Variants in PRKX observed in about 807,000 individuals in gnomAD.
The protein encoded by PRKX is protein kinase cAMP-dependent X-linked catalytic subunit, also known as cAMP-dependent protein kinase catalytic subunit PRKX.
PRKX carries 12 observed loss-of-function variants against 22.0 expected under a neutral mutation model. That is an observed-to-expected ratio of 0.54 (90% CI 0.35 to 0.88). PRKX has a LOEUF of 0.88. Ranked by LOEUF, PRKX falls within the 40% of genes least tolerant of loss-of-function variation. The pLI, the probability that PRKX is intolerant of heterozygous loss-of-function variation, is 0.01. For synonymous variants in PRKX, 134 were observed against 137.7 expected (o/e 0.97, Z 0.19); for missense variants, 217 against 308.0 (o/e 0.70, Z 2.21).
intron 4 of PRKX, among the ~76,000 whole-genome samples, chrX:3,629,247 T>C (rs1391195317): frequency 1.3e-5 from 1 of 76,290 alleles, no homozygotes; most frequent in Non-Finnish European, 2.7e-5. Context: ...AGTGAACTAC[T>C]TTTTTTTTTT....
At chrX:3,636,752 C>T (rs1210081801) in intron 4 of PRKX, among the ~76,000 whole-genome samples, 1 of 111,617 alleles carries the variant, frequency 9.0e-6, no homozygotes, top group Non-Finnish European at 1.9e-5. Context: ...CCCAGCTACT[C>T]AGGAGGCTGA....
chrX:3,617,821 T>C (rs1423738590), intron 6 of PRKX, among the ~76,000 whole-genome samples: 1 of 110,570 alleles, frequency 9.0e-6, no homozygotes, highest in Non-Finnish European at 1.9e-5. Context: ...CACAGGACAA[T>C]GCATCCCTCC....
intron 4 of PRKX, among the ~76,000 whole-genome samples, chrX:3,634,900 C>T (rs888683073): frequency 8.1e-5 from 9 of 111,355 alleles, no homozygotes; most frequent in Non-Finnish European, 1.1e-4. Context: ...AATGGGGTCT[C>T]ACTATGTTGC....
intron 1 of PRKX, among the ~76,000 whole-genome samples, chrX:3,686,634 T>C (rs1419553475): frequency 9.1e-6 from 1 of 109,877 alleles, no homozygotes; most frequent in Non-Finnish European, 1.9e-5. Context: ...CTCAGCTCAC[T>C]GCAACCTCCA....
intron 1 of PRKX, among the ~76,000 whole-genome samples, chrX:3,682,376 CT>C (rs1165128206): frequency 9.1e-6 from 1 of 110,416 alleles, no homozygotes; most frequent in Non-Finnish European, 1.9e-5. Context: ...CATCCTAATC[CT>C]TGGTACCTGT....
intron 3 of PRKX, among the ~76,000 whole-genome samples, chrX:3,650,438 G>C (rs745905732): frequency 1.1e-5 from 1 of 93,830 alleles, no homozygotes; most frequent in Non-Finnish European, 2.1e-5. Context: ...GGAGAATGGC[G>C]TGAACCCGGG....
In PRKX at chrX:3,642,157, C is replaced by G. The variant is rs142729325; in HGVS notation, c.600-186G>C. ...TTTCGCTGATTCCTTTCCATAGAAA[C>G]ATTTCTTAACGGGCTTGGAAGCTAA... On this transcript the variant is annotated intron_variant, in intron 3 of 8. Transcript: ENST00000262848. 1.8e-4 allele frequency among the ~76,000 whole-genome samples: 20 copies of G among 111,198 alleles called. 1 individual carries two copies. Among genetic ancestry groups the G allele is most frequent in the African/African-American group, 5.6e-4 (17 of 30,591 alleles).
chrX:3,650,303 C>T (rs992824400), intron 3 of PRKX, among the ~76,000 whole-genome samples: 1 of 107,562 alleles, frequency 9.3e-6, no homozygotes, highest in Non-Finnish European at 1.9e-5. Context: ...GGGCGGATCA[C>T]GAGGTCAGGA....
Position 3,605,801 on chromosome X carries a change from AG to A in PRKX, c.*3167del, listed in dbSNP as rs1926157399. ...GGGAGTGGGGCTGAACTGCATTTTG[AG>A]GGGATGAAGCGCGCAATCTTACCCC... On this transcript the variant is annotated 3_prime_UTR_variant, in exon 9 of 9. Transcript: ENST00000262848. 8.9e-6 allele frequency: 1 copy of A among 111,974 alleles called. No individual in the cohort carries two copies. The highest frequency in any genetic ancestry group is 3.7e-4 in the South Asian group (1 of 2,670). 9.2% of individuals were successfully genotyped at this position (111,974 alleles called of 1,213,427 possible).
chrX:3,707,478 C>G (rs1432256863), intron 1 of PRKX, among the ~76,000 whole-genome samples: 1 of 111,144 alleles, frequency 9.0e-6, no homozygotes, highest in Non-Finnish European at 1.9e-5. Flanking sequence ...GTGGCTCCAA[C>G]ACACAGAGGT....
intron 2 of PRKX, among the ~76,000 whole-genome samples, chrX:3,663,660 G>A (rs1927660688): frequency 9.4e-6 from 1 of 106,638 alleles, no homozygotes; most frequent in African/African-American, 3.5e-5. Flanking sequence ...AAAGTTAAAA[G>A]GGCAGGACTC....
rs762850513 is a variant in PRKX at position 3,646,514 on chromosome X, T to A, written c.600-4543A>T. Among the ~76,000 whole-genome samples, 6 of 111,394 alleles carry A rather than the reference T, an allele frequency of 5.4e-5. No homozygotes were observed. The Admixed American group carries it at 5.8e-4, about 11-fold the overall frequency. On this transcript the variant is annotated intron_variant, in intron 3 of 8. Coordinates refer to ENST00000262848, the MANE Select transcript of PRKX (RefSeq NM_005044.5). ...TTTTACACTTGATTACAGATACAAA[T>A]GCATTTTTTCCCTTTTTATCAGAAA...
chrX:3,672,309 T>C (rs1927863412), intron 2 of PRKX, among the ~76,000 whole-genome samples: 1 of 111,466 alleles, frequency 9.0e-6, no homozygotes, highest in Admixed American at 9.6e-5. Context: ...TTAAGAAATA[T>C]AAACGACTTT....
At chrX:3,631,601 G>C (rs1391725588) in intron 4 of PRKX, among the ~76,000 whole-genome samples, 1 of 112,528 alleles carries the variant, frequency 8.9e-6, no homozygotes, top group Non-Finnish European at 1.9e-5. Context: ...TCAGCAATAG[G>C]GTCTTTGCAG....
chrX:3,631,205 C>G (rs1208106299), intron 4 of PRKX, among the ~76,000 whole-genome samples: 2 of 112,069 alleles, frequency 1.8e-5, no homozygotes, highest in African/African-American at 6.5e-5. Context: ...TGAGAGGTCC[C>G]CAAAAAGATA....
chrX:3,621,599 ATG>A (rs1926559395), intron 5 of PRKX, among the ~76,000 whole-genome samples: 1 of 112,094 alleles, frequency 8.9e-6, no homozygotes, highest in South Asian at 3.7e-4. Flanking sequence ...TGAAATTTAT[ATG>A]TGCCTGCAGG....
intron 2 of PRKX, among the ~76,000 whole-genome samples, chrX:3,674,292 C>CA (rs1231621541): frequency 1.8e-5 from 2 of 111,670 alleles, no homozygotes; most frequent in Admixed American, 9.6e-5. Context: ...GGTGAGGAGA[C>CA]AAAGATTTCT....
At chrX:3,656,810 T>C (rs758510269) in intron 2 of PRKX, among the ~76,000 whole-genome samples, 2 of 112,257 alleles carry the variant, frequency 1.8e-5, no homozygotes, top group Non-Finnish European at 3.8e-5. Flanking sequence ...AAATACCATA[T>C]ACTAGGGGGT....
intron 1 of PRKX, among the ~76,000 whole-genome samples, chrX:3,681,527 T>C (rs1168779545): frequency 9.2e-6 from 1 of 108,631 alleles, no homozygotes; most frequent in Non-Finnish European, 1.9e-5. Context: ...TGGTGGCGGG[T>C]ACCTGTAATC....
Sources: allele counts gnomAD v4.1 joint callset (sites outside exome capture counted in the v4.1 genomes callset), GRCh38; gene constraint gnomAD v4.1.1; transcripts MANE v1.5; gene names NCBI Gene and HGNC (gene_info 2026-07-23, HGNC 2026-07-21).